ANKS1B: variants seen among roughly 807,000 people sequenced by gnomAD.
The protein encoded by ANKS1B is ankyrin repeat and sterile alpha motif domain containing 1B, also known as ankyrin repeat and sterile alpha motif domain-containing protein 1B.
In ANKS1B, 36 loss-of-function variants were observed where a neutral mutation model predicts 148.3. That is an observed-to-expected ratio of 0.24 (90% CI 0.19 to 0.32). ANKS1B has a LOEUF of 0.32. Among genes scored for constraint, ANKS1B ranks in the 10% least tolerant of loss-of-function variants. The pLI is 1.00. For synonymous variants in ANKS1B, 542 were observed against 560.8 expected (o/e 0.97, Z 0.47); for missense variants, 1,157 against 1,542.6 (o/e 0.75, Z 4.19).
chr12:99,934,759 T>G (rs996639796), intron 1 of ANKS1B, among the ~76,000 whole-genome samples: 1 of 152,056 alleles, frequency 6.6e-6, no homozygotes, highest in Admixed American at 6.6e-5. Flanking sequence ...CTTTAGGAGA[T>G]TAATACAAAA....
At chr12:99,874,140 A>C (rs2091847554) in intron 1 of ANKS1B, among the ~76,000 whole-genome samples, 1 of 151,986 alleles carries the variant, frequency 6.6e-6, no homozygotes. Context: ...TGCCAGTCTA[A>C]CCTCACTTTA....
chr12:99,274,045 G>A (rs931821890), intron 12 of ANKS1B, among the ~76,000 whole-genome samples: 2 of 152,090 alleles, frequency 1.3e-5, no homozygotes, highest in Non-Finnish European at 2.9e-5. Context: ...TTAGGGCGGA[G>A]GAGACTCAAG....
intron 8 of ANKS1B, among the ~76,000 whole-genome samples, chr12:99,707,326 G>A (rs1048152545): frequency 7.2e-5 from 11 of 151,990 alleles, no homozygotes; most frequent in Non-Finnish European, 1.3e-4. Flanking sequence ...TCATCCAGAA[G>A]TCATAAAATT....
intron 4 of ANKS1B, among the ~76,000 whole-genome samples, chr12:99,793,373 T>C (rs770710644): frequency 4.6e-5 from 7 of 151,958 alleles, no homozygotes; most frequent in Non-Finnish European, 8.8e-5. Flanking sequence ...ATACCCAGAA[T>C]AGCCAAAGCA....
At position 98,801,179 on chromosome 12, in the gene ANKS1B, C is replaced by G; in HGVS notation, c.3142-54G>C. ...TATGAGCAGTCAGCAAAGTTCATTC[C>G]CTGTAGCTACCCTGAGCTCACCTTA... On this transcript the variant is annotated intron_variant, in intron 20 of 26. Transcript: ENST00000683438. This position sits in a 1 kb window ranked among gnomAD's most constrained non-coding sequence, Gnocchi z 5.2. The G allele has an allele frequency of 1.9e-6, 3 of 1,591,414 alleles. No homozygotes were observed. Among genetic ancestry groups the G allele is most frequent in the Non-Finnish European group, 2.6e-6 (3 of 1,166,740 alleles).
At chr12:99,549,195 T>C (rs1205599669) in intron 9 of ANKS1B, among the ~76,000 whole-genome samples, 1 of 152,212 alleles carries the variant, frequency 6.6e-6, no homozygotes, top group Non-Finnish European at 1.5e-5. Flanking sequence ...AGGTATACTA[T>C]ACCTCAGGGC....
At chr12:98,855,838 G>T (rs76286896) in intron 17 of ANKS1B, among the ~76,000 whole-genome samples, 3,370 of 152,040 alleles carry the variant, frequency 0.022, 49 homozygotes, top group Non-Finnish European at 0.03. Flanking sequence ...TTTACTACTG[G>T]CATTGTCATA....
chr12:99,950,582 A>C (rs759904978), intron 1 of ANKS1B, among the ~76,000 whole-genome samples: 3 of 152,146 alleles, frequency 2.0e-5, no homozygotes, highest in Non-Finnish European at 2.9e-5. Flanking sequence ...TTATTTTCTG[A>C]AGTTAATAGT....
chr12:99,839,683 C>T (rs1339681912), intron 1 of ANKS1B, among the ~76,000 whole-genome samples: 1 of 151,956 alleles, frequency 6.6e-6, no homozygotes, highest in African/African-American at 2.4e-5. Flanking sequence ...CTCATAGCAA[C>T]GCTATCAAAT....
At chr12:98,800,526 A>G (rs935521097) in intron 21 of ANKS1B, among the ~76,000 whole-genome samples, 5 of 151,978 alleles carry the variant, frequency 3.3e-5, no homozygotes, top group African/African-American at 7.3e-5. Context: ...CTAAAAAACT[A>G]AACAACTAAC....
At chr12:99,787,584 A>T (rs1266938924) in intron 4 of ANKS1B, among the ~76,000 whole-genome samples, 1 of 152,246 alleles carries the variant, frequency 6.6e-6, no homozygotes, top group Non-Finnish European at 1.5e-5. Context: ...ATAAGCCTAC[A>T]TCATTTGTCT....
chr12:98,791,059 A>G (rs1248525845), intron 22 of ANKS1B, among the ~76,000 whole-genome samples: 1 of 152,202 alleles, frequency 6.6e-6, no homozygotes, highest in Non-Finnish European at 1.5e-5. Flanking sequence ...AACATTCACA[A>G]TGAGAGGCTG....
chr12:98,944,302 CA>C (rs11313441), intron 17 of ANKS1B, among the ~76,000 whole-genome samples: 17,262 of 87,722 alleles, frequency 0.2, 1,576 homozygotes, highest in African/African-American at 0.36. Flanking sequence ...CTCCACCTCA[CA>C]AAAAAAAAAA....
intron 8 of ANKS1B, among the ~76,000 whole-genome samples, chr12:99,691,536 C>A (rs1290630418): frequency 6.6e-6 from 1 of 152,184 alleles, no homozygotes; most frequent in African/African-American, 2.4e-5. Flanking sequence ...CAAAATGCTG[C>A]CAGTCTCTTT....
intron 9 of ANKS1B, among the ~76,000 whole-genome samples, chr12:99,533,352 T>G (rs1371130645): frequency 6.6e-6 from 1 of 152,226 alleles, no homozygotes; most frequent in Non-Finnish European, 1.5e-5. Flanking sequence ...TGTTGGTGTA[T>G]AGCAGTGCTA....
At chr12:99,584,482 C>G (rs2097605418) in intron 9 of ANKS1B, among the ~76,000 whole-genome samples, 1 of 151,904 alleles carries the variant, frequency 6.6e-6, no homozygotes, top group Non-Finnish European at 1.5e-5. Context: ...GCCTGTAGTC[C>G]CAACTACTGG....
rs75815679 is a variant in ANKS1B at position 98,830,711 on chromosome 12, G to C, written c.2886+1318C>G. ...CAAGTGCAGGACAAAATAGAGAGCA[G>C]AGTGGGCACCCCACAGCTTTCAGGG... On this transcript the variant is annotated intron_variant, in intron 18 of 26. Coordinates refer to ENST00000683438, the MANE Select transcript of ANKS1B (RefSeq NM_001352186.2). Among the ~76,000 whole-genome samples, 395 of 152,272 alleles carry C rather than the reference G, an allele frequency of 2.6e-3. 1 individual carries two copies. The highest frequency in any genetic ancestry group is 9.0e-3 in the African/African-American group (376 of 41,560).
chr12:99,354,434 T>C (rs1317640626), intron 12 of ANKS1B, among the ~76,000 whole-genome samples: 4 of 152,066 alleles, frequency 2.6e-5, no homozygotes, highest in Admixed American at 2.6e-4. Context: ...CTCTGTCTTT[T>C]TGTTTGTACG....
chr12:99,834,795 C>T (rs1371205710), intron 1 of ANKS1B, among the ~76,000 whole-genome samples: 1 of 152,124 alleles, frequency 6.6e-6, no homozygotes, highest in Non-Finnish European at 1.5e-5. Context: ...TCCTATCTGA[C>T]CCCTGACACA....
Sources: allele counts gnomAD v4.1 joint callset (sites outside exome capture counted in the v4.1 genomes callset), GRCh38; gene constraint gnomAD v4.1.1; non-coding constraint Gnocchi (gnomAD v3.1); transcripts MANE v1.5; gene names NCBI Gene and HGNC (gene_info 2026-07-23, HGNC 2026-07-21).